Variants in ZNF385B observed in about 807,000 individuals in gnomAD.
ZNF385B encodes zinc finger protein 385B.
In ZNF385B, 23 loss-of-function variants were observed where a neutral mutation model predicts 39.2. The ratio of observed to expected loss-of-function variants is 0.59; its 90% CI spans 0.42 to 0.83. The LOEUF is 0.83. Ranked by LOEUF, ZNF385B falls within the 40% of genes least tolerant of loss-of-function variation. The probability of loss-of-function intolerance (pLI) is 0.00; values close to 1 mark genes in which losing one functional copy is unlikely to be tolerated. For missense variants in ZNF385B, 552 were observed against 598.9 expected, an observed-to-expected ratio of 0.92 and a Z score of 0.82; for synonymous variants, 205 against 222.6, an observed-to-expected ratio of 0.92 and a Z score of 0.70.
At chr2:179,521,419 C>G (rs183893756) in intron 4 of ZNF385B, among the ~76,000 whole-genome samples, 2 of 138,464 alleles carry the variant, frequency 1.4e-5, no homozygotes, top group African/African-American at 5.4e-5. Flanking sequence ...AGGCTGGTCT[C>G]GAACTCCTGA....
chr2:179,486,702 C>T (rs990764821), intron 5 of ZNF385B, among the ~76,000 whole-genome samples: 2 of 152,154 alleles, frequency 1.3e-5, no homozygotes, highest in African/African-American at 2.4e-5. Flanking sequence ...ATCGCCTGAG[C>T]TTGGGAGTTT....
intron 3 of ZNF385B, among the ~76,000 whole-genome samples, chr2:179,563,430 C>T (rs1684168668): frequency 1.3e-5 from 2 of 152,172 alleles, no homozygotes; most frequent in Non-Finnish European, 2.9e-5. Flanking sequence ...AAGGATTTTG[C>T]ACCTTTGGTT....
At chr2:179,640,812 A>G (rs879936493) in intron 3 of ZNF385B, among the ~76,000 whole-genome samples, 9 of 152,186 alleles carry the variant, frequency 5.9e-5, no homozygotes, top group Non-Finnish European at 1.3e-4. Context: ...CTTAAGTAAC[A>G]TATTTTAACG....
Position 179,446,885 on chromosome 2 carries a change from A to T in ZNF385B, c.716-115T>A, listed in dbSNP as rs189264534. Reference sequence around the variant, plus strand: ...GATTCTTATGTGAAGTTTTTATTGCAGCATAGATTTCAGTTTATAGAGGTT... The same window carrying T: ...GATTCTTATGTGAAGTTTTTATTGCTGCATAGATTTCAGTTTATAGAGGTT... On this transcript the variant is annotated intron_variant, in intron 6 of 9. Coordinates refer to ENST00000410066, the MANE Select transcript of ZNF385B (RefSeq NM_152520.6). The T allele has an allele frequency of 3.4e-4, 456 of 1,340,484 alleles. 2 individuals are homozygous for T. Among genetic ancestry groups the T allele is most frequent in the Non-Finnish European group, 2.5e-5 (25 of 991,372 alleles). The allele number at this position is 1,340,484 out of a possible 1,614,324, so 83.0% of individuals were successfully genotyped here.
chr2:179,726,159 G>C (rs1701006998), intron 3 of ZNF385B, among the ~76,000 whole-genome samples: 1 of 151,806 alleles, frequency 6.6e-6, no homozygotes, highest in Non-Finnish European at 1.5e-5. Flanking sequence ...TGAAATACCA[G>C]TTTAAAAAAA....
chr2:179,837,522 T>C (rs1010841198), intron 1 of ZNF385B, among the ~76,000 whole-genome samples: 5 of 152,184 alleles, frequency 3.3e-5, no homozygotes, highest in African/African-American at 9.6e-5. Context: ...AAAACTAAAA[T>C]GGAATAAGAC....
At chr2:179,457,246 T>G (rs112345290) in intron 6 of ZNF385B, among the ~76,000 whole-genome samples, 37 of 152,320 alleles carry the variant, frequency 2.4e-4, no homozygotes, top group African/African-American at 8.2e-4. Context: ...CCCCATTGTA[T>G]GAGTATGCCA....
At chr2:179,702,457 G>A (rs1699280217) in intron 3 of ZNF385B, among the ~76,000 whole-genome samples, 1 of 152,158 alleles carries the variant, frequency 6.6e-6, no homozygotes, top group Admixed American at 6.5e-5. Flanking sequence ...TTCATTTAGA[G>A]TCATCTGGAC....
chr2:179,781,620 T>C (rs1421658170), intron 1 of ZNF385B, among the ~76,000 whole-genome samples: 3 of 151,740 alleles, frequency 2.0e-5, no homozygotes, highest in Non-Finnish European at 4.4e-5. Flanking sequence ...AGAGAAAAAA[T>C]TGGGATACAC....
At chr2:179,533,847 G>A (rs549054629) in intron 4 of ZNF385B, among the ~76,000 whole-genome samples, 12 of 152,290 alleles carry the variant, frequency 7.9e-5, no homozygotes, top group African/African-American at 2.6e-4. Context: ...AATATAGCAA[G>A]AAACATTATG....
intron 3 of ZNF385B, among the ~76,000 whole-genome samples, chr2:179,556,338 T>C (rs879493532): frequency 5.3e-5 from 8 of 149,824 alleles, no homozygotes; most frequent in Non-Finnish European, 4.4e-5. Flanking sequence ...AATAAATTTA[T>C]GGGGTTAAAA....
At position 179,501,323 on chromosome 2, in the gene ZNF385B, G is replaced by A. The variant is rs561050460; in HGVS notation, c.552+17205C>T. On this transcript the variant is annotated intron_variant, in intron 5 of 9. Coordinates refer to ENST00000410066, the MANE Select transcript of ZNF385B (RefSeq NM_152520.6). ...TTGCAGCACTCTTTACAATAGCTAC[G>A]ATTTGGGAGCAATGTAAGAGTCCAT... Among the ~76,000 whole-genome samples the A allele has an allele frequency of 7.9e-5, 12 of 152,298 alleles. No individual in the cohort carries two copies. In the South Asian group the frequency reaches 1.5e-3, roughly 18 times the overall value.
At chr2:179,732,040 G>C (rs918640092) in intron 3 of ZNF385B, among the ~76,000 whole-genome samples, 1 of 152,158 alleles carries the variant, frequency 6.6e-6, no homozygotes, top group African/African-American at 2.4e-5. Context: ...GATTAAGATC[G>C]CTCTCTTTTT....
chr2:179,543,697 GA>G (rs931726392), intron 4 of ZNF385B, among the ~76,000 whole-genome samples: 1 of 151,788 alleles, frequency 6.6e-6, no homozygotes, highest in African/African-American at 2.4e-5. Flanking sequence ...ACTTGTCTCT[GA>G]AAAGCTCAAA....
intron 3 of ZNF385B, among the ~76,000 whole-genome samples, chr2:179,603,989 A>C (rs1688607995): frequency 6.6e-6 from 1 of 152,216 alleles, no homozygotes; most frequent in Admixed American, 6.5e-5. Context: ...AAAAGGTACA[A>C]ATAGGATCAG....
intron 1 of ZNF385B, among the ~76,000 whole-genome samples, chr2:179,856,343 T>C (rs1030942102): frequency 6.6e-6 from 1 of 152,052 alleles, no homozygotes; most frequent in African/African-American, 2.4e-5. Context: ...CCCCTCAACC[T>C]GCTCCTCCTT....
At chr2:179,546,113 T>C (rs1039445607) in intron 3 of ZNF385B, among the ~76,000 whole-genome samples, 2 of 152,130 alleles carry the variant, frequency 1.3e-5, no homozygotes, top group African/African-American at 2.4e-5. Context: ...TGGTTCACTG[T>C]AGCCCCGACC....
chr2:179,554,707 C>G lies in ZNF385B; in HGVS notation c.299-9738G>C, dbSNP rs554438751. Among the ~76,000 whole-genome samples, 9 of 148,940 alleles carry G rather than the reference C, an allele frequency of 6.0e-5. 2 individuals carry two copies. The highest frequency in any genetic ancestry group is 2.0e-4 in the African/African-American group (8 of 39,562). On this transcript the variant is annotated intron_variant, in intron 3 of 9. Transcript: ENST00000410066. ...ATGGGCAAAAGAGTTGGATACTTCA[C>G]AAAAGCATATATTAAAATGGCCAAT... is the stretch of plus-strand genomic sequence containing the variant.
At position 179,662,557 on chromosome 2, in the gene ZNF385B, G is replaced by A. The variant is rs188918716; in HGVS notation, c.298+106946C>T. Among the ~76,000 whole-genome samples the A allele has an allele frequency of 3.7e-3, 559 of 152,046 alleles. 3 individuals are homozygous for A. Among genetic ancestry groups the A allele is most frequent in the African/African-American group, 0.013 (526 of 41,466 alleles). ...AAAGGAAATGGAGAACTGAGCATCC[G>A]GCTCTTTCTCTAACAAGTTTGAATA... On this transcript the variant is annotated intron_variant, in intron 3 of 9. Transcript: ENST00000410066.
Sources: gnomAD v4.1 joint callset for allele counts (sites outside exome capture counted in the v4.1 genomes callset) on GRCh38, gnomAD v4.1.1 for gene constraint, MANE v1.5 for transcripts, NCBI Gene and HGNC (gene_info 2026-07-23, HGNC 2026-07-21) for gene names.